Variants in PRMT3 observed in about 807,000 individuals in gnomAD.
PRMT3 encodes the protein protein arginine methyltransferase 3.
Under a neutral mutation model 71.9 loss-of-function variants are expected in PRMT3, and 62 were observed. The ratio of observed to expected loss-of-function variants is 0.86; its 90% CI spans 0.70 to 1.07. PRMT3 has a LOEUF of 1.07. Ranked by LOEUF, PRMT3 falls within the 50% of genes least tolerant of loss-of-function variation. The probability of loss-of-function intolerance (pLI) is 0.00; values close to 1 mark genes in which losing one functional copy is unlikely to be tolerated. For missense variants in PRMT3, 663 were observed against 643.0 expected (o/e 1.03, Z -0.34); for synonymous variants, 213 against 220.4 (o/e 0.97, Z 0.30).
At chr11:20,496,306 TA>T (rs1485698624) in intron 15 of PRMT3, among the ~76,000 whole-genome samples, 3 of 152,042 alleles carry the variant, frequency 2.0e-5, no homozygotes, top group African/African-American at 7.2e-5. Flanking sequence ...TAGTCCCTGC[TA>T]CTTAGGAGGC....
At chr11:20,405,008 A>G (rs1175161778) in intron 8 of PRMT3, among the ~76,000 whole-genome samples, 1 of 152,232 alleles carries the variant, frequency 6.6e-6, no homozygotes, top group Non-Finnish European at 1.5e-5. Context: ...AAAAGGCTCA[A>G]GTATTAGTAA....
intron 8 of PRMT3, chr11:20,406,394 A>C (rs900891279): frequency 6.6e-6 from 1 of 152,204 alleles, no homozygotes; most frequent in African/African-American, 2.4e-5. Flanking sequence ...TAAAGGGCTG[A>C]CTGTATTTCC....
chr11:20,408,303 A>G (rs189275739), intron 9 of PRMT3, among the ~76,000 whole-genome samples: 10 of 152,104 alleles, frequency 6.6e-5, no homozygotes, highest in Admixed American at 6.5e-4. Context: ...GCCAATTCTA[A>G]TAATATAAAA....
At chr11:20,446,071 G>A (rs539478435) in intron 10 of PRMT3, among the ~76,000 whole-genome samples, 4 of 152,204 alleles carry the variant, frequency 2.6e-5, no homozygotes, top group African/African-American at 7.2e-5. Flanking sequence ...TTACACTTCA[G>A]CACTCATGTC....
chr11:20,479,641 CTAAT>C (rs1292190498), intron 13 of PRMT3, among the ~76,000 whole-genome samples: 3 of 152,088 alleles, frequency 2.0e-5, no homozygotes, highest in African/African-American at 7.2e-5. Context: ...CAGAGGTTCT[CTAAT>C]TGTGTATGTT....
At chr11:20,472,264 C>G (rs546632013) in intron 13 of PRMT3, among the ~76,000 whole-genome samples, 3 of 152,176 alleles carry the variant, frequency 2.0e-5, no homozygotes, top group African/African-American at 7.2e-5. Context: ...GAGAGGGCAT[C>G]CTTGTCTTGT....
intron 7 of PRMT3, among the ~76,000 whole-genome samples, chr11:20,400,724 C>CT (rs1198959805): frequency 4.0e-5 from 6 of 151,498 alleles, no homozygotes; most frequent in Admixed American, 2.6e-4. Flanking sequence ...TACCTTCATT[C>CT]TTTTTTTTAT....
chr11:20,508,730 G>T lies in PRMT3; in HGVS notation c.*317G>T. On this transcript the variant is annotated 3_prime_UTR_variant, in exon 16 of 16. Coordinates refer to ENST00000331079, the MANE Select transcript of PRMT3 (RefSeq NM_005788.4). ...TTGGCCTATATTTGGAAGAGAGATAGTCTTTTGTTTTTAATAAGTTTCTTA... is the reference window on the plus strand; with the variant it reads ...TTGGCCTATATTTGGAAGAGAGATATTCTTTTGTTTTTAATAAGTTTCTTA... 1 of 359,718 alleles carries T rather than the reference G, an allele frequency of 2.8e-6. No homozygotes were observed. The highest frequency in any genetic ancestry group is 5.4e-6 in the Non-Finnish European group (1 of 185,736). 22.3% of individuals were successfully genotyped at this position (359,718 alleles called of 1,614,324 possible). A position where few individuals can be genotyped will look rare whatever the true frequency, so the allele number is the denominator to read the frequency against.
intron 10 of PRMT3, among the ~76,000 whole-genome samples, chr11:20,442,695 C>G (rs530792345): frequency 6.6e-6 from 1 of 152,232 alleles, no homozygotes; most frequent in African/African-American, 2.4e-5. Flanking sequence ...CTGCACACCC[C>G]CATGACCTGG....
intron 9 of PRMT3, among the ~76,000 whole-genome samples, chr11:20,416,034 T>C (rs1849297236): frequency 6.6e-6 from 1 of 152,186 alleles, no homozygotes. Context: ...TGAGTATCCT[T>C]AATGTTTCTC....
At chr11:20,492,824 C>T (rs1299682375) in intron 13 of PRMT3, among the ~76,000 whole-genome samples, 2 of 152,080 alleles carry the variant, frequency 1.3e-5, no homozygotes, top group African/African-American at 2.4e-5. Flanking sequence ...TTTGGGAAGC[C>T]GAAGTGGGTG....
chr11:20,443,408 G>T (rs900598436), intron 10 of PRMT3, among the ~76,000 whole-genome samples: 1 of 152,150 alleles, frequency 6.6e-6, no homozygotes, highest in South Asian at 2.1e-4. Context: ...TCTCACTTTG[G>T]TTGAACTTTG....
chr11:20,446,838 G>C (rs1181416170), intron 10 of PRMT3, among the ~76,000 whole-genome samples: 1 of 152,126 alleles, frequency 6.6e-6, no homozygotes, highest in Non-Finnish European at 1.5e-5. Flanking sequence ...TATCCCTGTT[G>C]AGTGATATCA....
At chr11:20,417,685 C>T (rs1849337486) in intron 9 of PRMT3, among the ~76,000 whole-genome samples, 1 of 151,858 alleles carries the variant, frequency 6.6e-6, no homozygotes, top group Non-Finnish European at 1.5e-5. Flanking sequence ...TCTAAATATC[C>T]CCCAACTATG....
At chr11:20,403,633 T>TTC in intron 8 of PRMT3, among the ~76,000 whole-genome samples, 2 of 152,096 alleles carry the variant, frequency 1.3e-5, no homozygotes, top group Admixed American at 6.6e-5. Flanking sequence ...CTCTCTCTTT[T>TTC]CCTCTCTTTA....
intron 8 of PRMT3, among the ~76,000 whole-genome samples, chr11:20,404,426 G>A (rs1326572223): frequency 6.6e-6 from 1 of 151,430 alleles, no homozygotes; most frequent in African/African-American, 2.4e-5. Flanking sequence ...TAGAGACGGG[G>A]TTTCACCATG....
intron 15 of PRMT3, among the ~76,000 whole-genome samples, chr11:20,504,725 AG>A (rs1565243474): frequency 1.3e-5 from 2 of 151,262 alleles, no homozygotes; most frequent in East Asian, 3.9e-4. Context: ...AGAGAGAGAG[AG>A]AGAGAGAGAG....
At chr11:20,428,462 G>A (rs1849591560) in intron 10 of PRMT3, among the ~76,000 whole-genome samples, 1 of 152,242 alleles carries the variant, frequency 6.6e-6, no homozygotes, top group South Asian at 2.1e-4. Context: ...GCTCTGCCTA[G>A]CAGAATTATA....
At chr11:20,482,481 G>T (rs1484801090) in intron 13 of PRMT3, among the ~76,000 whole-genome samples, 1 of 152,082 alleles carries the variant, frequency 6.6e-6, no homozygotes, top group Non-Finnish European at 1.5e-5. Flanking sequence ...ACAAAATAGT[G>T]TATTTATCAA....
Sources: gnomAD v4.1 joint callset for allele counts (sites outside exome capture counted in the v4.1 genomes callset) on GRCh38, gnomAD v4.1.1 for gene constraint, MANE v1.5 for transcripts, NCBI Gene and HGNC (gene_info 2026-07-23, HGNC 2026-07-21) for gene names.